Variants in ASTN2 observed in about 807,000 individuals in gnomAD.
The protein encoded by ASTN2 is astrotactin 2, also known as astrotactin-2.
Under a neutral mutation model 139.8 loss-of-function variants are expected in ASTN2, and 54 were observed. The observed-to-expected ratio is 0.39, with a 90% CI of 0.31 to 0.48. ASTN2 has a LOEUF of 0.48. Ranked by LOEUF, ASTN2 falls within the 20% of genes least tolerant of loss-of-function variation. The probability of loss-of-function intolerance (pLI) is 0.95; values close to 1 mark genes in which losing one functional copy is unlikely to be tolerated. For synonymous variants in ASTN2, 756 were observed against 719.5 expected, an observed-to-expected ratio of 1.05 and a Z score of -0.81; for missense variants, 1,565 against 1,725.1, an observed-to-expected ratio of 0.91 and a Z score of 1.64.
At chr9:116,830,390 A>C (rs576724188) in intron 11 of ASTN2, among the ~76,000 whole-genome samples, 2 of 142,106 alleles carry the variant, frequency 1.4e-5, no homozygotes, top group African/African-American at 5.2e-5. Context: ...AATGAGCACA[A>C]CCTTTAAGGA....
At position 116,425,699 on chromosome 9, in the gene ASTN2, G is replaced by T. The variant is rs1464876071; in HGVS notation, c.*152C>A. Reference sequence around the variant, plus strand: ...CAAAGGTCTCTGTCCACTATCCACAGGAGAAACCGTTTGCTTTGGCCTTGC... The same window carrying T: ...CAAAGGTCTCTGTCCACTATCCACATGAGAAACCGTTTGCTTTGGCCTTGC... On this transcript the variant is annotated 3_prime_UTR_variant, in exon 23 of 23. Transcript: ENST00000313400. 1.7e-5 allele frequency: 28 copies of T among 1,607,502 alleles called. No individual in the cohort carries two copies. Among genetic ancestry groups the T allele is most frequent in the Non-Finnish European group, 2.3e-5 (27 of 1,177,744 alleles).
Position 116,425,762 on chromosome 9 carries a change from C to T in ASTN2, c.*89G>A, listed in dbSNP as rs1847286289. ...TCTGCTAGGCCCATCCTCAGCTGTC[C>T]CCCAGCCCACCCAGGCCCCAGGATC... On this transcript the variant is annotated 3_prime_UTR_variant, in exon 23 of 23. Coordinates refer to ENST00000313400, the MANE Select transcript of ASTN2 (RefSeq NM_001365068.1). 3.1e-6 allele frequency: 5 copies of T among 1,605,170 alleles called. No homozygotes were observed. The South Asian group carries it at 4.5e-5, about 14-fold the overall frequency.
chr9:116,776,583 G>T (rs932480852), intron 13 of ASTN2, among the ~76,000 whole-genome samples: 4 of 152,068 alleles, frequency 2.6e-5, no homozygotes, highest in Non-Finnish European at 5.9e-5. Flanking sequence ...AAATGGCCTT[G>T]GTTATTGAGG....
chr9:116,828,529 TA>T (rs770537033), intron 11 of ASTN2, among the ~76,000 whole-genome samples: 1 of 151,608 alleles, frequency 6.6e-6, no homozygotes, highest in Admixed American at 6.6e-5. Flanking sequence ...CCTTTGATGA[TA>T]AAAAAAATCC....
At chr9:116,519,249 T>G (rs1312761411) in intron 19 of ASTN2, among the ~76,000 whole-genome samples, 1 of 152,096 alleles carries the variant, frequency 6.6e-6, no homozygotes, top group Non-Finnish European at 1.5e-5. Context: ...ATAGACCATA[T>G]GATAGGCCAC....
At chr9:116,591,253 T>G (rs371670457) in intron 19 of ASTN2, among the ~76,000 whole-genome samples, 2 of 152,188 alleles carry the variant, frequency 1.3e-5, no homozygotes, top group East Asian at 3.9e-4. Flanking sequence ...TGTTCCCTGG[T>G]GCCAGCCATG....
chr9:116,996,974 C>A (rs1837042767), intron 7 of ASTN2, among the ~76,000 whole-genome samples: 1 of 152,060 alleles, frequency 6.6e-6, no homozygotes, highest in South Asian at 2.1e-4. Flanking sequence ...ATGTTAAAAT[C>A]TGGTCTTAAA....
intron 2 of ASTN2, among the ~76,000 whole-genome samples, chr9:117,236,344 C>G (rs1183568888): frequency 6.6e-6 from 1 of 152,182 alleles, no homozygotes; most frequent in Non-Finnish European, 1.5e-5. Context: ...TTGCTACCAT[C>G]ATGGGGAGGT....
chr9:116,643,280 T>G (rs1857427928), intron 17 of ASTN2, among the ~76,000 whole-genome samples: 1 of 152,208 alleles, frequency 6.6e-6, no homozygotes, highest in African/African-American at 2.4e-5. Flanking sequence ...TTCTGTCTCC[T>G]GCTTTTCCAA....
chr9:117,382,619 C>G (rs1265008633), intron 1 of ASTN2, among the ~76,000 whole-genome samples: 1 of 152,158 alleles, frequency 6.6e-6, no homozygotes, highest in Non-Finnish European at 1.5e-5. Context: ...TGGTAAATGA[C>G]TTTCAACACA....
intron 5 of ASTN2, among the ~76,000 whole-genome samples, chr9:117,089,238 A>G (rs763089893): frequency 1.6e-4 from 25 of 152,080 alleles, no homozygotes; most frequent in Admixed American, 1.4e-3. Context: ...CAGGCTTGCC[A>G]AGGTCACTAA....
intron 16 of ASTN2, among the ~76,000 whole-genome samples, chr9:116,696,894 T>C (rs1285843175): frequency 1.3e-5 from 2 of 151,750 alleles, no homozygotes; most frequent in African/African-American, 4.8e-5. Flanking sequence ...AATTTTCTGC[T>C]TCTGTGGATG....
At chr9:116,482,933 T>C (rs1490628681) in intron 20 of ASTN2, among the ~76,000 whole-genome samples, 1 of 152,204 alleles carries the variant, frequency 6.6e-6, no homozygotes. Flanking sequence ...CTGGCATGCT[T>C]GCTGAGGACC....
At chr9:116,921,517 A>G (rs1188299144) in intron 10 of ASTN2, among the ~76,000 whole-genome samples, 1 of 150,280 alleles carries the variant, frequency 6.7e-6, no homozygotes, top group Non-Finnish European at 1.5e-5. Flanking sequence ...GAACCTGGGA[A>G]GCGGAGCTTG....
In ASTN2 at chr9:117,124,235, A is replaced by T. The variant is rs139491487; in HGVS notation, c.1168+17091T>A. ...CCCAGATATGCCACTAACTCATGGT[A>T]AAAAAGTTGCTTTCCCTCTCTGTGC... On this transcript the variant is annotated intron_variant, in intron 4 of 22. Coordinates refer to ENST00000313400, the MANE Select transcript of ASTN2 (RefSeq NM_001365068.1). Among the ~76,000 whole-genome samples, 5 of 152,238 alleles carry T rather than the reference A, an allele frequency of 3.3e-5. No individual in the cohort carries two copies. The East Asian group carries it at 9.7e-4, about 29-fold the overall frequency.
Position 116,976,688 on chromosome 9 carries a change from C to G in ASTN2, c.1676+13G>C. The G allele has an allele frequency of 6.2e-7, 1 of 1,613,772 alleles. No individual in the cohort carries two copies. Among genetic ancestry groups the G allele is most frequent in the Non-Finnish European group, 8.5e-7 (1 of 1,179,750 alleles). On this transcript the variant is annotated intron_variant, in intron 8 of 22. Coordinates refer to ENST00000313400, the MANE Select transcript of ASTN2 (RefSeq NM_001365068.1). ...CCTGCACTGTCCTGGACCTGATGCC[C>G]TTTGCCACTCACCCTTCACTCTGTC...
At chr9:116,488,531 T>C (rs1231038808) in intron 19 of ASTN2, among the ~76,000 whole-genome samples, 4 of 152,226 alleles carry the variant, frequency 2.6e-5, no homozygotes, top group Non-Finnish European at 5.9e-5. Context: ...AACAGCTAAA[T>C]GTCCAACTAC....
chr9:116,725,626 G>T, intron 16 of ASTN2, 145 bp downstream of exon 16: 1 of 773,584 alleles, frequency 1.3e-6, no homozygotes, highest in East Asian at 2.5e-5. Context: ...CTGAAGCTCA[G>T]AGAGAGGCAG....
At chr9:116,563,365 ACT>A (rs1853020275) in intron 19 of ASTN2, among the ~76,000 whole-genome samples, 1 of 150,276 alleles carries the variant, frequency 6.7e-6, no homozygotes, top group East Asian at 2.0e-4. Flanking sequence ...ATAGAGCGAG[ACT>A]CTGTCTCAAA....
Sources: gnomAD v4.1 joint callset for allele counts (sites outside exome capture counted in the v4.1 genomes callset) on GRCh38, gnomAD v4.1.1 for gene constraint, MANE v1.5 for transcripts, NCBI Gene and HGNC (gene_info 2026-07-23, HGNC 2026-07-21) for gene names.